The following STPG1 variants were observed in gnomAD, a reference collection of about 807,000 sequenced individuals.
STPG1 encodes the protein sperm tail PG-rich repeat containing 1.
STPG1 carries 33 observed loss-of-function variants against 40.1 expected under a neutral mutation model. That is an observed-to-expected ratio of 0.82 (90% CI 0.62 to 1.10). STPG1 has a LOEUF of 1.10. STPG1 is among the 50% of genes least tolerant of loss of function. STPG1 has a pLI of 0.00. For synonymous variants in STPG1, 150 were observed against 155.0 expected, an observed-to-expected ratio of 0.97 and a Z score of 0.24; for missense variants, 396 against 415.1, an observed-to-expected ratio of 0.95 and a Z score of 0.40.
chr1:24,405,159 T>C (rs1356240881), intron 1 of STPG1, among the ~76,000 whole-genome samples: 2 of 152,206 alleles, frequency 1.3e-5, no homozygotes, highest in East Asian at 3.8e-4. Context: ...GGTTTCACCA[T>C]GTTGGTCAGG....
intron 6 of STPG1, among the ~76,000 whole-genome samples, chr1:24,370,054 C>G (rs1361524721): frequency 6.6e-6 from 1 of 152,172 alleles, no homozygotes; most frequent in African/African-American, 2.4e-5. Context: ...AGTTCTCGCA[C>G]TAGCCTGGCA....
intron 1 of STPG1, among the ~76,000 whole-genome samples, chr1:24,404,938 T>C (rs1022211288): frequency 6.6e-6 from 1 of 152,238 alleles, no homozygotes; most frequent in Non-Finnish European, 1.5e-5. Flanking sequence ...CCTGCTTACT[T>C]TGGGTTTCAT....
chr1:24,360,797 A>G (rs1029286889), intron 8 of STPG1, 54 bp downstream of exon 8: 1 of 1,495,162 alleles, frequency 6.7e-7, no homozygotes, highest in Non-Finnish European at 9.1e-7. Context: ...CCCAAGAATG[A>G]CAAACAGTTC....
At chr1:24,407,743 C>T (rs944348177) in intron 1 of STPG1, among the ~76,000 whole-genome samples, 1 of 152,164 alleles carries the variant, frequency 6.6e-6, no homozygotes, top group Non-Finnish European at 1.5e-5. Context: ...GCCAAGTTCA[C>T]TGATCTTCTG....
At position 24,399,470 on chromosome 1, in the gene STPG1, G is replaced by T. The variant is rs1465642778; in HGVS notation, c.70+1849C>A. 6.6e-6 allele frequency among the ~76,000 whole-genome samples: 1 copy of T among 152,102 alleles called. No homozygotes were observed. Among genetic ancestry groups the T allele is most frequent in the African/African-American group, 2.4e-5 (1 of 41,420 alleles). ...TAGAGTTTCTAGAAGAAACTATCTT[G>T]GGATGGGCAAAGATTTCTTAAGTAT... On this transcript the variant is annotated intron_variant, in intron 2 of 8. Coordinates refer to ENST00000337248, the MANE Select transcript of STPG1 (RefSeq NM_001199013.2). The surrounding 1 kb of genome is among the most constrained non-coding windows in gnomAD (Gnocchi z 4.0).
chr1:24,379,669 G>A lies in STPG1; in HGVS notation c.446C>T (p.Ala149Val). 6.2e-7 allele frequency: 1 copy of A among 1,614,124 alleles called. No homozygotes were observed. The highest frequency in any genetic ancestry group is 1.1e-5 in the South Asian group (1 of 91,086). The change falls in exon 5 of 9, where the codon GCA becomes GTA. Residue 149 changes from alanine to valine, a missense_variant. Ala to Val is a moderately conservative substitution (Grantham distance 64). Coordinates refer to ENST00000337248, the MANE Select transcript of STPG1 (RefSeq NM_001199013.2). ...AGTTCTTACATTGTAATAGTTTGGTGCAGGAGTTTCAAACTTGAGAGCTTT... is the reference window on the plus strand; with the variant it reads ...AGTTCTTACATTGTAATAGTTTGGTACAGGAGTTTCAAACTTGAGAGCTTT... ...FMKALKFETP[A>V]PNYYNASVSC...
At chr1:24,363,223 G>A (rs1209254990) in intron 7 of STPG1, among the ~76,000 whole-genome samples, 1 of 152,232 alleles carries the variant, frequency 6.6e-6, no homozygotes, top group Admixed American at 6.5e-5. Context: ...ACTCACCAGT[G>A]TTCTTGGCAA....
intron 1 of STPG1, among the ~76,000 whole-genome samples, chr1:24,405,924 T>TATATATA (rs1643398217): frequency 3.9e-5 from 6 of 152,168 alleles, no homozygotes; most frequent in Admixed American, 2.6e-4. Context: ...TATTTAATTA[T>TATATATA]TGAGTTTTCT....
At chr1:24,363,344 T>C (rs1454409881) in intron 7 of STPG1, among the ~76,000 whole-genome samples, 1 of 152,190 alleles carries the variant, frequency 6.6e-6, no homozygotes, top group African/African-American at 2.4e-5. Flanking sequence ...ATGTGTGGGA[T>C]TCTGGGCCAG....
Position 24,362,442 on chromosome 1 carries a change from T to TA in STPG1, c.738-1402dup, listed in dbSNP as rs567089832. Among the ~76,000 whole-genome samples the TA allele has an allele frequency of 2.6e-4, 40 of 152,324 alleles. No individual in the cohort carries two copies. In the East Asian group the frequency reaches 6.0e-3, roughly 23 times the overall value. On this transcript the variant is annotated intron_variant, in intron 7 of 8. Coordinates refer to ENST00000337248, the MANE Select transcript of STPG1 (RefSeq NM_001199013.2). ...GAGGCTGAATTCTAGTCATGCCACT[T>TA]ACTGGCTGTAAGACAAGGCCCCTGA...
intron 1 of STPG1, among the ~76,000 whole-genome samples, chr1:24,412,995 A>G (rs1210759746): frequency 1.3e-5 from 2 of 152,250 alleles, no homozygotes; most frequent in Non-Finnish European, 2.9e-5. Context: ...GTACTAAACT[A>G]TGTATACTGT....
intron 7 of STPG1, among the ~76,000 whole-genome samples, chr1:24,364,770 G>A (rs112899963): frequency 1.1e-4 from 16 of 152,284 alleles, no homozygotes; most frequent in African/African-American, 3.9e-4. Context: ...GCTTTTATGA[G>A]CCTCATTGCT....
intron 7 of STPG1, 76 bp downstream of exon 7, chr1:24,369,598 C>G: frequency 6.7e-7 from 1 of 1,482,428 alleles, no homozygotes; most frequent in East Asian, 2.3e-5. Flanking sequence ...GCAGTGACAC[C>G]CCATCCTTTT....
chr1:24,414,196 A>G (rs555712026), upstream of STPG1: 6 of 152,246 alleles, frequency 3.9e-5, no homozygotes, highest in South Asian at 1.2e-3. Flanking sequence ...GGCGCTCGCC[A>G]CCACGCCAGG....
At chr1:24,397,520 A>G (rs1162881237) in intron 2 of STPG1, among the ~76,000 whole-genome samples, 1 of 152,142 alleles carries the variant, frequency 6.6e-6, no homozygotes, top group Non-Finnish European at 1.5e-5. Context: ...ATAAATACAT[A>G]AATCCTTAGA....
At chr1:24,403,644 TAC>T (rs749381986) in intron 1 of STPG1, among the ~76,000 whole-genome samples, 12 of 152,172 alleles carry the variant, frequency 7.9e-5, no homozygotes, top group Non-Finnish European at 1.5e-4. Context: ...AGCAATATTT[TAC>T]AGTTATCAGT....
chr1:24,374,500 C>A (rs3765426), intron 5 of STPG1, among the ~76,000 whole-genome samples: 33,349 of 151,904 alleles, frequency 0.22, 4,048 homozygotes, highest in East Asian at 0.45. Flanking sequence ...ACCTCGTGAT[C>A]CGCCCGCCTC....
chr1:24,412,574 A>G (rs34018654), intron 1 of STPG1, among the ~76,000 whole-genome samples: 18,376 of 152,158 alleles, frequency 0.12, 1,206 homozygotes, highest in African/African-American at 0.16. Flanking sequence ...TATTTGCTCA[A>G]TTGGCCAGGC....
chr1:24,370,336 G>A (rs1641678198), intron 6 of STPG1, among the ~76,000 whole-genome samples: 1 of 133,624 alleles, frequency 7.5e-6, no homozygotes, highest in African/African-American at 2.9e-5. Context: ...TTTTTTTTGA[G>A]ATAGGGTCTT....
Sources: allele counts gnomAD v4.1 joint callset (sites outside exome capture counted in the v4.1 genomes callset), GRCh38; gene constraint gnomAD v4.1.1; non-coding constraint Gnocchi (gnomAD v3.1); transcripts MANE v1.5; gene names NCBI Gene and HGNC (gene_info 2026-07-23, HGNC 2026-07-21).